Variants in PIK3CD observed in about 807,000 individuals in gnomAD.
The protein encoded by PIK3CD is phosphatidylinositol-4,5-bisphosphate 3-kinase catalytic subunit delta, also known as phosphatidylinositol 4,5-bisphosphate 3-kinase catalytic subunit delta isoform.
Under a neutral mutation model 122.9 loss-of-function variants are expected in PIK3CD, and 20 were observed. That is an observed-to-expected ratio of 0.16 (90% CI 0.11 to 0.24). The LOEUF is 0.24. Ranked by LOEUF, PIK3CD falls within the 10% of genes least tolerant of loss-of-function variation. The probability of loss-of-function intolerance (pLI) is 1.00; values close to 1 mark genes in which losing one functional copy is unlikely to be tolerated. For missense variants in PIK3CD, 787 were observed against 1,406.3 expected (o/e 0.56, Z 7.04); for synonymous variants, 596 against 593.4 (o/e 1.00, Z -0.06).
the PIK3CD span, among the ~76,000 whole-genome samples, chr1:9,643,456 G>GAGGGAGGGAGGGAAGGA: frequency 2.3e-5 from 3 of 127,756 alleles, no homozygotes; most frequent in East Asian, 2.3e-4. Context: ...GGAAGGAAGG[G>GAGGGAGGGAGGGAAGGA]AGGGAGGGAG....
intron 2 of PIK3CD, among the ~76,000 whole-genome samples, chr1:9,693,373 C>T (rs956292680): frequency 2.2e-4 from 33 of 151,590 alleles, no homozygotes; most frequent in Admixed American, 2.0e-3. Context: ...TACAGGTGTG[C>T]GCCACCATGC....
At chr1:9,690,390 C>G (rs1646157212) in intron 1 of PIK3CD, among the ~76,000 whole-genome samples, 1 of 152,204 alleles carries the variant, frequency 6.6e-6, no homozygotes, top group East Asian at 1.9e-4. Flanking sequence ...TTTGAAAGGG[C>G]TTTCCTTATG....
chr1:9,638,076 C>T, the PIK3CD span, among the ~76,000 whole-genome samples: 1 of 151,892 alleles, frequency 6.6e-6, no homozygotes, highest in African/African-American at 2.4e-5. Flanking sequence ...CATTGTACTC[C>T]AGCCTGGGCA....
chr1:9,641,292 C>T, the PIK3CD span, among the ~76,000 whole-genome samples: 3 of 152,086 alleles, frequency 2.0e-5, no homozygotes, highest in African/African-American at 7.2e-5. Flanking sequence ...GAGGTTGAAT[C>T]CAGGTGCCTG....
intron 2 of PIK3CD, among the ~76,000 whole-genome samples, chr1:9,702,120 G>A (rs772489619): frequency 6.6e-5 from 10 of 151,414 alleles, no homozygotes; most frequent in African/African-American, 1.7e-4. Context: ...TCAGCCTCCC[G>A]AGTAGCTGGG....
intron 2 of PIK3CD, among the ~76,000 whole-genome samples, chr1:9,703,203 C>T (rs575128995): frequency 2.6e-5 from 4 of 152,368 alleles, no homozygotes; most frequent in Admixed American, 6.5e-5. Context: ...ACCCACTGGA[C>T]TGACTTGATA....
At chr1:9,696,643 G>A (rs998490666) in intron 2 of PIK3CD, among the ~76,000 whole-genome samples, 9 of 151,344 alleles carry the variant, frequency 5.9e-5, no homozygotes, top group Non-Finnish European at 1.2e-4. Context: ...ACAGCTACTC[G>A]GGAGGCTGAG....
At chr1:9,685,914 G>T (rs754408008) in intron 1 of PIK3CD, among the ~76,000 whole-genome samples, 41 of 152,152 alleles carry the variant, frequency 2.7e-4, no homozygotes, top group Non-Finnish European at 7.3e-5. Flanking sequence ...CTCAGCAGTG[G>T]TGTCTTACCT....
intron 1 of PIK3CD, among the ~76,000 whole-genome samples, chr1:9,686,568 G>C (rs987342420): frequency 2.0e-5 from 3 of 152,126 alleles, no homozygotes; most frequent in Admixed American, 6.5e-5. Flanking sequence ...GGCCCAGGCT[G>C]GTCTTGAACT....
chr1:9,632,124 T>C, the PIK3CD span, among the ~76,000 whole-genome samples: 134 of 152,268 alleles, frequency 8.8e-4, no homozygotes, highest in Middle Eastern at 3.4e-3. Flanking sequence ...GCAATTCTCC[T>C]GCCTCGGCCT....
rs1649941090 is a variant in PIK3CD at position 9,727,970 on chromosome 1, A to AAT, written c.*925_*926dup. 6.2e-6 allele frequency: 1 copy of AAT among 162,438 alleles called. No homozygotes were observed. Among genetic ancestry groups the AAT allele is most frequent in the African/African-American group, 2.4e-5 (1 of 41,636 alleles). 10.1% of individuals were successfully genotyped at this position (162,438 alleles called of 1,614,324 possible). On this transcript the variant is annotated 3_prime_UTR_variant, in exon 24 of 24. Coordinates refer to ENST00000377346, the MANE Select transcript of PIK3CD (RefSeq NM_005026.5). ...CAGGTGTGCACCACCGTACCCAGCT[A>AAT]ATTTTTGTATTTTAGTAGAGACGGG...
chr1:9,699,731 G>A (rs1487035870), intron 2 of PIK3CD, among the ~76,000 whole-genome samples: 1 of 152,102 alleles, frequency 6.6e-6, no homozygotes, highest in African/African-American at 2.4e-5. Context: ...TGGGATTATA[G>A]GTGTGTGCCA....
the PIK3CD span, among the ~76,000 whole-genome samples, chr1:9,642,385 T>G: frequency 6.7e-6 from 1 of 149,968 alleles, no homozygotes; most frequent in Non-Finnish European, 1.5e-5. Flanking sequence ...AGTGCTGGGA[T>G]TACAGGCGTG....
rs1553168951 is a variant in PIK3CD, at chr1:9,716,395, C to T, written c.601-45C>T. The T allele has an allele frequency of 1.1e-5, 18 of 1,597,444 alleles. 1 individual carries two copies. Among genetic ancestry groups the T allele is most frequent in the South Asian group, 7.7e-5 (7 of 90,546 alleles). On this transcript the variant is annotated intron_variant, in intron 5 of 23. Transcript: ENST00000377346. Reference sequence around the variant, plus strand: ...AACCCTGCCCTGTGCCCCAGAACCCCGGGGGGCCTCGAGGGCAGAGGACTG... The same window carrying T: ...AACCCTGCCCTGTGCCCCAGAACCCTGGGGGGCCTCGAGGGCAGAGGACTG...
Position 9,718,638 on chromosome 1 carries a change from A to AG in PIK3CD, c.1021-52dup. On this transcript the variant is annotated intron_variant, in intron 8 of 23. Transcript: ENST00000377346. This position sits in a 1 kb window ranked among gnomAD's most constrained non-coding sequence, Gnocchi z 7.2. ...GGGGGAGACTGACACCTTAAGGGGG[A>AG]GGGGAGAGGGGCTGGGCCTCTGCCT... The AG allele has an allele frequency of 6.8e-7, 1 of 1,475,488 alleles. No homozygotes were observed. Among genetic ancestry groups the AG allele is most frequent in the Non-Finnish European group, 9.4e-7 (1 of 1,068,988 alleles). The allele number at this position is 1,475,488 out of a possible 1,614,324, so 91.4% of individuals were successfully genotyped here. A position where few individuals can be genotyped will look rare whatever the true frequency, so the allele number is the denominator to read the frequency against.
chr1:9,655,213 T>C (rs1031719301), intron 1 of PIK3CD, among the ~76,000 whole-genome samples: 1 of 152,122 alleles, frequency 6.6e-6, no homozygotes, highest in African/African-American at 2.4e-5. Flanking sequence ...GGAAGGGCCC[T>C]ATCCACTGGA....
In PIK3CD at chr1:9,717,076, C is replaced by T. The variant is rs1445282622; in HGVS notation, c.898C>T (p.Arg300Cys). 2 of 1,613,880 alleles carry T rather than the reference C, an allele frequency of 1.2e-6. No homozygotes were observed. The highest frequency in any genetic ancestry group is 8.5e-7 in the Non-Finnish European group (1 of 1,180,034). The change falls in exon 7 of 24, where the codon CGT becomes TGT. Residue 300 changes from arginine to cysteine, a missense_variant. By Grantham distance (180) the Arg-to-Cys change is radical (BLOSUM62 -3). This residue lies in a region of PIK3CD where 592 missense variants were observed against 920.6 expected (regional missense o/e 0.64). Coordinates refer to ENST00000377346, the MANE Select transcript of PIK3CD (RefSeq NM_005026.5). The surrounding 1 kb of genome is among the most constrained non-coding windows in gnomAD (Gnocchi z 5.4). Reference protein sequence around the residue: ...SNPAPQVQKPRAKPPPIPAKK... With the variant: ...SNPAPQVQKPCAKPPPIPAKK... The stretch of plus-strand genomic sequence containing the variant: ...CCCTGCCCCCCAGGTCCAGAAACCG[C>T]GTGCCAAACCACCTCCCATTCCTGC...
chr1:9,650,569 A>G (rs1279089438), upstream of PIK3CD, among the ~76,000 whole-genome samples: 10 of 152,146 alleles, frequency 6.6e-5, no homozygotes, highest in South Asian at 4.1e-4. Context: ...GATTGCAGTG[A>G]GCCGAGATGG....
intron 1 of PIK3CD, among the ~76,000 whole-genome samples, chr1:9,685,638 C>T (rs528689962): frequency 9.9e-5 from 15 of 152,052 alleles, no homozygotes; most frequent in Non-Finnish European, 2.2e-4. Context: ...GGATTACAGG[C>T]GTGAGCCACT....
Sources: gnomAD v4.1 joint callset for allele counts (sites outside exome capture counted in the v4.1 genomes callset) on GRCh38, gnomAD v4.1.1 for gene constraint, gnomAD v4.1.1 regional missense constraint, Gnocchi (gnomAD v3.1) non-coding constraint, MANE v1.5 for transcripts, NCBI Gene and HGNC (gene_info 2026-07-23, HGNC 2026-07-21) for gene names.